NDC80: variants seen among roughly 807,000 people sequenced by gnomAD.
NDC80 encodes NDC80 kinetochore complex component.
A neutral mutation model predicts 89.3 loss-of-function variants in NDC80; 69 were observed. The ratio of observed to expected loss-of-function variants is 0.77; its 90% CI spans 0.64 to 0.94. The LOEUF (loss-of-function observed/expected upper bound fraction) is 0.94, where lower values mean the gene tolerates loss of function less well. Among genes scored for constraint, NDC80 ranks in the 40% least tolerant of loss-of-function variants. The pLI is 0.00. For synonymous variants in NDC80, 243 were observed against 255.6 expected (o/e 0.95, Z 0.47); for missense variants, 593 against 739.6 (o/e 0.80, Z 2.30).
intron 6 of NDC80, among the ~76,000 whole-genome samples, chr18:2,584,661 AG>A (rs2072595417): frequency 2.0e-5 from 3 of 152,118 alleles, no homozygotes; most frequent in Admixed American, 2.0e-4. Context: ...TACATACTGA[AG>A]GAGTTACTCG....
In NDC80 at chr18:2,599,306, G is replaced by A. The variant is rs77429327; in HGVS notation, c.1374+135G>A. 10,475 of 676,618 alleles carry A rather than the reference G, an allele frequency of 0.015. 852 individuals are homozygous for A. In the African/African-American group the frequency reaches 0.17, roughly 11 times the overall value. The allele number at this position is 676,618 out of a possible 1,614,324, so 41.9% of individuals were successfully genotyped here. A position where few individuals can be genotyped will look rare whatever the true frequency, so the allele number is the denominator to read the frequency against. ...CTGAAACTGTATCTTCTTTCTTCTC[G>A]GTCATAGAAATCTTCTACTATCCAG... On this transcript the variant is annotated intron_variant, in intron 12 of 16. Coordinates refer to ENST00000261597, the MANE Select transcript of NDC80 (RefSeq NM_006101.3).
At position 2,571,624 on chromosome 18, in the gene NDC80, G is replaced by A. The variant is rs2072512800; in HGVS notation, c.-69G>A. ...TTGATGACCGCTGTCCTGTCTAGCA[G>A]ATACTTGCACGGTTTACAGAAATTC... On this transcript the variant is annotated 5_prime_UTR_variant, in exon 1 of 17. Coordinates refer to ENST00000261597, the MANE Select transcript of NDC80 (RefSeq NM_006101.3). The A allele has an allele frequency of 6.6e-6, 1 of 152,262 alleles. No individual in the cohort carries two copies. The highest frequency in any genetic ancestry group is 1.5e-5 in the Non-Finnish European group (1 of 68,064). The allele number at this position is 152,262 out of a possible 1,614,324, so 9.4% of individuals were successfully genotyped here.
intron 11 of NDC80, among the ~76,000 whole-genome samples, chr18:2,596,789 A>G (rs946868783): frequency 1.3e-5 from 2 of 151,792 alleles, no homozygotes; most frequent in African/African-American, 4.8e-5. Context: ...ATGTCCAACA[A>G]TGATAGACTG....
At chr18:2,578,539 A>G (rs2072560251) in intron 5 of NDC80, among the ~76,000 whole-genome samples, 1 of 152,206 alleles carries the variant, frequency 6.6e-6, no homozygotes, top group Non-Finnish European at 1.5e-5. Context: ...ACAGAAGCCA[A>G]AAACAAAAAA....
At chr18:2,587,576 G>A (rs2072608395) in intron 7 of NDC80, among the ~76,000 whole-genome samples, 2 of 152,080 alleles carry the variant, frequency 1.3e-5, no homozygotes, top group Admixed American at 1.3e-4. Context: ...AGGTATGGCT[G>A]TTTTTAAATA....
chr18:2,575,176 T>C, intron 3 of NDC80, 110 bp downstream of exon 3: 1 of 790,074 alleles, frequency 1.3e-6, no homozygotes, highest in East Asian at 2.7e-5. Flanking sequence ...AGAAAAGTTA[T>C]AATCTAGTTT....
intron 7 of NDC80, among the ~76,000 whole-genome samples, chr18:2,586,376 A>T (rs1217581267): frequency 6.6e-6 from 1 of 152,178 alleles, no homozygotes; most frequent in Non-Finnish European, 1.5e-5. Context: ...CAATATGTAT[A>T]TTGGGCTGCC....
chr18:2,575,455 A>AT (rs1238456157), intron 3 of NDC80, among the ~76,000 whole-genome samples: 4 of 151,890 alleles, frequency 2.6e-5, no homozygotes, highest in Non-Finnish European at 5.9e-5. Flanking sequence ...CTGACTCCAC[A>AT]TTTTTTTAAT....
intron 12 of NDC80, among the ~76,000 whole-genome samples, chr18:2,599,611 C>T (rs755232310): frequency 8.5e-5 from 13 of 152,048 alleles, no homozygotes; most frequent in Non-Finnish European, 1.9e-4. Context: ...CAAGGGCACA[C>T]ATGAAGGCAT....
rs2072512084 is a variant in NDC80 at position 2,571,593 on chromosome 18, G to A, written c.-100G>A. On this transcript the variant is annotated 5_prime_UTR_variant, in exon 1 of 17. Coordinates refer to ENST00000261597, the MANE Select transcript of NDC80 (RefSeq NM_006101.3). ...GCTTTGGCGGGCCGAGGAAGGACCT[G>A]GTGTTTTGATGACCGCTGTCCTGTC... 1 of 152,248 alleles carries A rather than the reference G, an allele frequency of 6.6e-6. No homozygotes were observed. The highest frequency in any genetic ancestry group is 1.5e-5 in the Non-Finnish European group (1 of 68,060). 9.4% of individuals were successfully genotyped at this position (152,248 alleles called of 1,614,324 possible).
At chr18:2,600,607 C>CAA (rs879832892) in intron 12 of NDC80, among the ~76,000 whole-genome samples, 2 of 114,674 alleles carry the variant, frequency 1.7e-5, no homozygotes, top group African/African-American at 3.3e-5. Flanking sequence ...GATTCCATCT[C>CAA]AAAAAAAAAA....
intron 11 of NDC80, among the ~76,000 whole-genome samples, chr18:2,596,821 A>G (rs1198088031): frequency 5.3e-5 from 8 of 151,294 alleles, no homozygotes; most frequent in Non-Finnish European, 1.0e-4. Flanking sequence ...TGTGGCACAT[A>G]TACACCATGG....
rs536162602 is a variant in NDC80 at position 2,604,353 on chromosome 18, G to T, written c.1465-2062G>T. On this transcript the variant is annotated intron_variant, in intron 13 of 16. Coordinates refer to ENST00000261597, the MANE Select transcript of NDC80 (RefSeq NM_006101.3). Reference sequence around the variant, plus strand: ...GATGCTCATGTTCATCCACATGCATGCACACACACATACACCTTGAGGACC... The same window carrying T: ...GATGCTCATGTTCATCCACATGCATTCACACACACATACACCTTGAGGACC... Among the ~76,000 whole-genome samples, 8 of 152,282 alleles carry T rather than the reference G, an allele frequency of 5.3e-5. No homozygotes were observed. In the South Asian group the frequency reaches 1.2e-3, roughly 24 times the overall value.
intron 7 of NDC80, 122 bp downstream of exon 7, chr18:2,585,324 TATC>T (rs2072598323): frequency 1.4e-6 from 1 of 720,160 alleles, no homozygotes; most frequent in Non-Finnish European, 2.2e-6. Flanking sequence ...AAGGTGAAAA[TATC>T]ATGTCAAAAA....
At chr18:2,582,540 G>A (rs2072583753) in intron 6 of NDC80, 1 of 151,924 alleles carries the variant, frequency 6.6e-6, no homozygotes, top group Non-Finnish European at 1.5e-5. Flanking sequence ...TACAACTACT[G>A]TTCTCAGTTG....
chr18:2,599,049 T>C lies in NDC80; in HGVS notation c.1252T>C (p.Leu418=). 1 of 1,611,734 alleles carries C rather than the reference T, an allele frequency of 6.2e-7. No homozygotes were observed. The highest frequency in any genetic ancestry group is 8.5e-7 in the Non-Finnish European group (1 of 1,178,986). ...IETQLAEYHK[L]ARKLKLIPKG... ...AACACAATTAGCAGAGTATCACAAATTGGCTAGAAAATTAAAACTTATTCC... is the reference window on the plus strand; with the variant it reads ...AACACAATTAGCAGAGTATCACAAACTGGCTAGAAAATTAAAACTTATTCC... The change falls in exon 12 of 17, where the codon TTG becomes CTG. Residue 418 remains leucine (L), a synonymous_variant. Transcript: ENST00000261597.
intron 11 of NDC80, among the ~76,000 whole-genome samples, chr18:2,596,687 A>T (rs959914288): frequency 1.3e-5 from 2 of 152,154 alleles, no homozygotes; most frequent in African/African-American, 4.8e-5. Flanking sequence ...TATATACCCA[A>T]AGGATTATAA....
intron 7 of NDC80, among the ~76,000 whole-genome samples, chr18:2,587,591 C>T (rs1324031666): frequency 6.6e-6 from 1 of 152,052 alleles, no homozygotes; most frequent in African/African-American, 2.4e-5. Context: ...TAAATATTGC[C>T]TTTATCCAAA....
At chr18:2,574,675 G>A (rs1353452375) in intron 2 of NDC80, among the ~76,000 whole-genome samples, 1 of 151,972 alleles carries the variant, frequency 6.6e-6, no homozygotes, top group Non-Finnish European at 1.5e-5. Context: ...GGTAGAAAAT[G>A]TTTAGATAGT....
Sources: allele counts gnomAD v4.1 joint callset (sites outside exome capture counted in the v4.1 genomes callset), GRCh38; gene constraint gnomAD v4.1.1; transcripts MANE v1.5; gene names NCBI Gene and HGNC (gene_info 2026-07-23, HGNC 2026-07-21).